The following XRRA1 variants were observed in gnomAD, a reference collection of about 807,000 sequenced individuals.
XRRA1 encodes the protein X-ray radiation resistance-associated protein 1.
Under a neutral mutation model 80.2 loss-of-function variants are expected in XRRA1, and 69 were observed. The ratio of observed to expected loss-of-function variants is 0.86; its 90% CI spans 0.71 to 1.05. The LOEUF (loss-of-function observed/expected upper bound fraction) is 1.05. XRRA1 is among the 50% of genes least tolerant of loss of function. XRRA1 has a pLI of 0.00. For missense variants in XRRA1, 967 were observed against 976.4 expected, an observed-to-expected ratio of 0.99 and a Z score of 0.13; for synonymous variants, 348 against 389.9, an observed-to-expected ratio of 0.89 and a Z score of 1.27.
chr11:74,942,193 T>C (rs1946464111), intron 2 of XRRA1, among the ~76,000 whole-genome samples: 1 of 148,586 alleles, frequency 6.7e-6, no homozygotes, highest in Non-Finnish European at 1.5e-5. Context: ...GGGTGGAGAG[T>C]GGGAGCTGCC....
At chr11:74,915,417 A>G (rs1045202563) in intron 8 of XRRA1, among the ~76,000 whole-genome samples, 1 of 152,124 alleles carries the variant, frequency 6.6e-6, no homozygotes, top group Non-Finnish European at 1.5e-5. Context: ...CAATCCATGA[A>G]TGTCAGTTGC....
chr11:74,929,637 C>G (rs964670793), intron 6 of XRRA1, among the ~76,000 whole-genome samples: 104 of 152,218 alleles, frequency 6.8e-4, no homozygotes, highest in African/African-American at 2.4e-3. Context: ...TCTGCTCCAG[C>G]AGCCGGAAAT....
chr11:74,844,120 G>A, intron 17 of XRRA1, 48 bp downstream of exon 17: 1 of 1,555,842 alleles, frequency 6.4e-7, no homozygotes, highest in South Asian at 1.1e-5. Flanking sequence ...CTGTAATTGT[G>A]GGCGGTACTC....
intron 8 of XRRA1, among the ~76,000 whole-genome samples, chr11:74,907,491 G>T (rs180795581): frequency 2.8e-4 from 43 of 152,282 alleles, no homozygotes; most frequent in Admixed American, 2.0e-3. Flanking sequence ...ATTGTCTTCT[G>T]TATGGAGAAA....
intron 12 of XRRA1, among the ~76,000 whole-genome samples, chr11:74,853,176 A>G (rs538632998): frequency 3.9e-5 from 6 of 152,228 alleles, no homozygotes; most frequent in Admixed American, 3.3e-4. Context: ...TTACAATGTG[A>G]TAAGTGTCAC....
chr11:74,905,699 T>C (rs546375236), intron 10 of XRRA1, among the ~76,000 whole-genome samples: 23 of 152,290 alleles, frequency 1.5e-4, no homozygotes, highest in African/African-American at 5.1e-4. Flanking sequence ...ATAAACTAGC[T>C]TCACTGTGAC....
chr11:74,907,398 CA>C, intron 8 of XRRA1, 125 bp from the exon 9 acceptor site: 1 of 1,244,982 alleles, frequency 8.0e-7, no homozygotes, highest in Non-Finnish European at 1.1e-6. Context: ...TTCTAGTGCC[CA>C]AAAGAGGTCC....
At chr11:74,854,027 T>C (rs933941973) in intron 12 of XRRA1, among the ~76,000 whole-genome samples, 1 of 152,074 alleles carries the variant, frequency 6.6e-6, no homozygotes, top group Non-Finnish European at 1.5e-5. Context: ...GAGAGAAGTA[T>C]CAAAGGTGAC....
chr11:74,864,900 G>T (rs1320387298), intron 10 of XRRA1, among the ~76,000 whole-genome samples: 2 of 152,206 alleles, frequency 1.3e-5, no homozygotes, highest in East Asian at 1.9e-4. Context: ...TTTGAGACCT[G>T]GTCCCTCCAG....
At chr11:74,944,459 T>C (rs1177166684) in intron 2 of XRRA1, among the ~76,000 whole-genome samples, 1 of 152,212 alleles carries the variant, frequency 6.6e-6, no homozygotes, top group Non-Finnish European at 1.5e-5. Flanking sequence ...ATAACAGATG[T>C]TATGACATAA....
chr11:74,848,047 G>T (rs2038758936), intron 15 of XRRA1, 68 bp downstream of exon 15: 2 of 1,412,856 alleles, frequency 1.4e-6, no homozygotes, highest in African/African-American at 1.4e-5. Flanking sequence ...CAGCAATCGA[G>T]CCTAAGGGCT....
chr11:74,860,895 T>C (rs2042169135), intron 11 of XRRA1, among the ~76,000 whole-genome samples: 1 of 152,196 alleles, frequency 6.6e-6, no homozygotes. Flanking sequence ...CACCTGAGTT[T>C]AGGATAATGA....
At chr11:74,843,608 C>G in intron 18 of XRRA1, 155 bp from the exon 19 acceptor site, 3 of 1,024,288 alleles carry the variant, frequency 2.9e-6, no homozygotes, top group Non-Finnish European at 4.2e-6. Context: ...TGGGAAGTCA[C>G]TGACTTCCTA....
intron 7 of XRRA1, among the ~76,000 whole-genome samples, chr11:74,922,069 A>T (rs1940974844): frequency 6.6e-6 from 1 of 152,002 alleles, no homozygotes; most frequent in Admixed American, 6.6e-5. Flanking sequence ...TATCCTGGCT[A>T]ACACGGTGAA....
intron 10 of XRRA1, among the ~76,000 whole-genome samples, chr11:74,898,387 C>A (rs985180414): frequency 6.6e-6 from 1 of 152,006 alleles, no homozygotes; most frequent in Admixed American, 6.6e-5. Context: ...GAAAATACAA[C>A]AAAATGGCAG....
intron 14 of XRRA1, among the ~76,000 whole-genome samples, chr11:74,849,512 C>G (rs1362891813): frequency 6.6e-6 from 1 of 152,218 alleles, no homozygotes; most frequent in Non-Finnish European, 1.5e-5. Flanking sequence ...GCACAGGGCA[C>G]GGACACAGCA....
chr11:74,874,151 G>A (rs1180420105), intron 10 of XRRA1, among the ~76,000 whole-genome samples: 7 of 138,906 alleles, frequency 5.0e-5, no homozygotes, highest in East Asian at 4.5e-4. Flanking sequence ...CAGGAGAATC[G>A]CATGAACCCG....
At chr11:74,945,789 CTT>C (rs1020990223) in intron 1 of XRRA1, among the ~76,000 whole-genome samples, 2 of 151,944 alleles carry the variant, frequency 1.3e-5, no homozygotes, top group Non-Finnish European at 2.9e-5. Context: ...AAACATCTCT[CTT>C]TCTCTCTCTC....
intron 5 of XRRA1, among the ~76,000 whole-genome samples, chr11:74,932,427 A>G (rs1047704399): frequency 1.3e-5 from 2 of 151,984 alleles, no homozygotes; most frequent in African/African-American, 4.8e-5. Flanking sequence ...GTCTAACTCC[A>G]TATCCATCTA....
Sources: allele counts gnomAD v4.1 joint callset (sites outside exome capture counted in the v4.1 genomes callset), GRCh38; gene constraint gnomAD v4.1.1; transcripts MANE v1.5; gene names NCBI Gene and HGNC (gene_info 2026-07-23, HGNC 2026-07-21).